Variants in TRIM9 observed in about 807,000 individuals in gnomAD.
The protein encoded by TRIM9 is E3 ubiquitin-protein ligase TRIM9.
Under a neutral mutation model 78.3 loss-of-function variants are expected in TRIM9, and 26 were observed. The observed-to-expected ratio is 0.33, with a 90% CI of 0.24 to 0.46. The LOEUF is 0.46. TRIM9 is among the 20% of genes least tolerant of loss of function. The pLI is 1.00. For missense variants in TRIM9, 787 were observed against 1,036.4 expected (o/e 0.76, Z 3.30); for synonymous variants, 398 against 416.5 (o/e 0.96, Z 0.54).
At chr14:51,012,440 T>C (rs2056690981) in intron 3 of TRIM9, among the ~76,000 whole-genome samples, 1 of 152,246 alleles carries the variant, frequency 6.6e-6, no homozygotes, top group African/African-American at 2.4e-5. Flanking sequence ...TACTCTGATG[T>C]ATGTATATCG....
chr14:51,075,582 C>A (rs2062698122), intron 1 of TRIM9, among the ~76,000 whole-genome samples: 1 of 152,204 alleles, frequency 6.6e-6, no homozygotes, highest in African/African-American at 2.4e-5. Flanking sequence ...TCCTGTGCAG[C>A]TTGTTGCTTG....
intron 5 of TRIM9, among the ~76,000 whole-genome samples, chr14:51,002,160 C>T (rs1045572077): frequency 6.6e-6 from 1 of 152,034 alleles, no homozygotes; most frequent in African/African-American, 2.4e-5. Flanking sequence ...CTCGCTCTGT[C>T]GTCCAGGCTG....
At chr14:51,029,873 G>A (rs143017112) in intron 1 of TRIM9, among the ~76,000 whole-genome samples, 1 of 152,124 alleles carries the variant, frequency 6.6e-6, no homozygotes, top group African/African-American at 2.4e-5. Context: ...CCCAAAAAAA[G>A]AGAATTCTCT....
At chr14:51,062,581 T>C (rs556280412) in intron 1 of TRIM9, among the ~76,000 whole-genome samples, 15 of 152,262 alleles carry the variant, frequency 9.9e-5, no homozygotes, top group South Asian at 4.1e-4. Context: ...TCTATGTTTA[T>C]AGGGGTTATT....
intron 1 of TRIM9, among the ~76,000 whole-genome samples, chr14:51,067,322 AC>A (rs2061834535): frequency 1.3e-5 from 2 of 151,930 alleles, no homozygotes; most frequent in Non-Finnish European, 2.9e-5. Flanking sequence ...CACTTCTAAA[AC>A]CTTAGTCCTA....
At chr14:51,036,031 T>C (rs985772731) in intron 1 of TRIM9, among the ~76,000 whole-genome samples, 6 of 152,182 alleles carry the variant, frequency 3.9e-5, no homozygotes, top group Non-Finnish European at 8.8e-5. Flanking sequence ...CCTCCAGCAC[T>C]CTAGGTAAAA....
At chr14:51,020,098 A>C (rs2057604177) in intron 3 of TRIM9, among the ~76,000 whole-genome samples, 1 of 152,182 alleles carries the variant, frequency 6.6e-6, no homozygotes, top group South Asian at 2.1e-4. Flanking sequence ...GAACTCAGCC[A>C]AAGGGAAGCG....
At chr14:51,087,998 A>G (rs1186127618) in intron 1 of TRIM9, among the ~76,000 whole-genome samples, 1 of 152,204 alleles carries the variant, frequency 6.6e-6, no homozygotes, top group Non-Finnish European at 1.5e-5. Context: ...AGAAAGGGGG[A>G]CAACATGTAT....
chr14:50,977,377 T>C lies in TRIM9; in HGVS notation c.2326-24A>G, dbSNP rs150313884. On this transcript the variant is annotated intron_variant, in intron 12 of 12. Transcript: ENST00000684578. ...ACCTGGGGAATGAGACTGTGAGTCC[T>C]GAGAGGCATCGTGCATCCCCCTGTC... 82 of 1,503,246 alleles carry C rather than the reference T, an allele frequency of 5.5e-5. No individual in the cohort carries two copies. The East Asian group carries it at 2.0e-3, about 37-fold the overall frequency. 93.1% of individuals were successfully genotyped at this position (1,503,246 alleles called of 1,614,324 possible). A position where few individuals can be genotyped will look rare whatever the true frequency, so the allele number is the denominator to read the frequency against.
chr14:50,992,601 GAATA>G (rs2053665850), intron 7 of TRIM9, among the ~76,000 whole-genome samples: 1 of 124,878 alleles, frequency 8.0e-6, no homozygotes, highest in Non-Finnish European at 1.8e-5. Context: ...ATGAATGAAT[GAATA>G]AATAAATAAG....
chr14:51,023,598 TC>T (rs1469506622), intron 2 of TRIM9, among the ~76,000 whole-genome samples: 1 of 152,338 alleles, frequency 6.6e-6, no homozygotes, highest in South Asian at 2.1e-4. Context: ...AATTATAGCT[TC>T]CCTGTGATGT....
chr14:51,032,256 T>A (rs908309039), intron 1 of TRIM9, among the ~76,000 whole-genome samples: 1 of 152,240 alleles, frequency 6.6e-6, no homozygotes, highest in African/African-American at 2.4e-5. Flanking sequence ...CAAAGTCAGA[T>A]GAACTTGAGT....
At chr14:51,026,047 G>T (rs1000828717) in intron 1 of TRIM9, among the ~76,000 whole-genome samples, 1 of 152,162 alleles carries the variant, frequency 6.6e-6, no homozygotes, top group African/African-American at 2.4e-5. Flanking sequence ...TGTCCAGGTA[G>T]GTACTTGCTC....
intron 1 of TRIM9, among the ~76,000 whole-genome samples, chr14:51,085,500 T>C (rs2063668718): frequency 6.6e-6 from 1 of 152,234 alleles, no homozygotes; most frequent in Admixed American, 6.5e-5. Flanking sequence ...GTTCACATAT[T>C]CCTTTTTATA....
intron 10 of TRIM9, 79 bp downstream of exon 10, chr14:50,982,863 C>A (rs1304927025): frequency 8.2e-6 from 11 of 1,344,058 alleles, no homozygotes; most frequent in Non-Finnish European, 1.1e-5. Flanking sequence ...GATGTAATTG[C>A]TGATTTATTA....
intron 1 of TRIM9, among the ~76,000 whole-genome samples, chr14:51,039,252 C>T (rs1195897409): frequency 6.6e-6 from 1 of 152,160 alleles, no homozygotes; most frequent in Non-Finnish European, 1.5e-5. Context: ...ATGGTAAAAC[C>T]AATTGGGAAA....
intron 7 of TRIM9, among the ~76,000 whole-genome samples, chr14:50,989,798 A>T (rs1008031103): frequency 6.6e-6 from 1 of 152,188 alleles, no homozygotes; most frequent in Admixed American, 6.5e-5. Context: ...AACTCTGTCA[A>T]TGACCATCAT....
intron 1 of TRIM9, among the ~76,000 whole-genome samples, 157 bp from the exon 2 acceptor site, chr14:51,025,517 G>A (rs927332355): frequency 1.3e-5 from 2 of 152,144 alleles, no homozygotes; most frequent in Admixed American, 6.5e-5. Flanking sequence ...TTCTGGTGTC[G>A]AAACTCCCTG....
At position 50,977,192 on chromosome 14, in the gene TRIM9, C is replaced by A; in HGVS notation, c.*99G>T. ...GCTTTTCTCTCCTCCTTCTCCCACTCCTGCCAACTCTGCACCCCACCACGG... is the reference window on the plus strand; with the variant it reads ...GCTTTTCTCTCCTCCTTCTCCCACTACTGCCAACTCTGCACCCCACCACGG... On this transcript the variant is annotated 3_prime_UTR_variant, in exon 13 of 13. Transcript: ENST00000684578. 1.0e-6 allele frequency: 1 copy of A among 997,922 alleles called. No homozygotes were observed. The highest frequency in any genetic ancestry group is 2.8e-5 in the South Asian group (1 of 35,918). 61.8% of individuals were successfully genotyped at this position (997,922 alleles called of 1,614,324 possible). A position where few individuals can be genotyped will look rare whatever the true frequency, so the allele number is the denominator to read the frequency against.
Sources: gnomAD v4.1 joint callset for allele counts (sites outside exome capture counted in the v4.1 genomes callset) on GRCh38, gnomAD v4.1.1 for gene constraint, MANE v1.5 for transcripts, NCBI Gene and HGNC (gene_info 2026-07-23, HGNC 2026-07-21) for gene names.